Variants in CPE observed in about 807,000 individuals in gnomAD.
The protein encoded by CPE is carbocypeptidase E.
A neutral mutation model predicts 53.5 loss-of-function variants in CPE; 17 were observed. The ratio of observed to expected loss-of-function variants is 0.32; its 90% CI spans 0.22 to 0.48. CPE has a LOEUF of 0.48. Among genes scored for constraint, CPE ranks in the 20% least tolerant of loss-of-function variants. The pLI is 0.99. For synonymous variants in CPE, 226 were observed against 228.8 expected (o/e 0.99, Z 0.11); for missense variants, 524 against 614.7 (o/e 0.85, Z 1.56).
intron 1 of CPE, among the ~76,000 whole-genome samples, chr4:165,441,336 GC>G (rs1318669175): frequency 6.6e-6 from 1 of 152,092 alleles, no homozygotes; most frequent in African/African-American, 2.4e-5. Context: ...TCCTTAACAG[GC>G]CAGATTAATA....
intron 5 of CPE, 112 bp from the exon 6 acceptor site, chr4:165,487,326 C>T (rs758193781): frequency 4.2e-6 from 6 of 1,428,596 alleles, no homozygotes; most frequent in Non-Finnish European, 5.7e-6. Context: ...ACAGGCTTCC[C>T]AAATGCCCTG....
intron 1 of CPE, among the ~76,000 whole-genome samples, chr4:165,447,262 A>G (rs552136298): frequency 5.6e-4 from 85 of 152,298 alleles, no homozygotes; most frequent in African/African-American, 1.9e-3. Context: ...CTTTGGTTAC[A>G]CAAAATTTAT....
intron 1 of CPE, among the ~76,000 whole-genome samples, chr4:165,407,356 T>C (rs1730969038): frequency 6.6e-6 from 1 of 152,202 alleles, no homozygotes; most frequent in Admixed American, 6.5e-5. Context: ...TAAGCATCTT[T>C]TCATGTGCTT....
intron 1 of CPE, among the ~76,000 whole-genome samples, chr4:165,393,356 G>C (rs1301671217): frequency 1.3e-5 from 2 of 152,068 alleles, no homozygotes; most frequent in African/African-American, 4.8e-5. Context: ...GAAATATTTA[G>C]TATTTAACTA....
intron 3 of CPE, among the ~76,000 whole-genome samples, chr4:165,476,701 G>A (rs1241178591): frequency 6.6e-6 from 1 of 152,116 alleles, no homozygotes; most frequent in Non-Finnish European, 1.5e-5. Context: ...GTTGGGAGAA[G>A]GCCCTCTCCT....
At chr4:165,442,550 T>A (rs1389502977) in intron 1 of CPE, among the ~76,000 whole-genome samples, 5 of 152,158 alleles carry the variant, frequency 3.3e-5, no homozygotes, top group Non-Finnish European at 1.5e-5. Context: ...ACATCAGAGG[T>A]TGATCTGTGC....
chr4:165,458,112 G>T (rs916169956), intron 1 of CPE, among the ~76,000 whole-genome samples: 4 of 152,212 alleles, frequency 2.6e-5, no homozygotes, highest in African/African-American at 9.6e-5. Context: ...TTAACCCCAG[G>T]TTTATCACTG....
chr4:165,484,372 T>C (rs1732466671), intron 4 of CPE, 50 bp from the exon 5 acceptor site: 3 of 1,537,358 alleles, frequency 2.0e-6, no homozygotes, highest in African/African-American at 2.7e-5. Context: ...AAACATGCTG[T>C]GCTGCTTGGT....
At chr4:165,476,319 CT>C (rs1732299207) in intron 3 of CPE, among the ~76,000 whole-genome samples, 1 of 152,150 alleles carries the variant, frequency 6.6e-6, no homozygotes, top group Non-Finnish European at 1.5e-5. Context: ...CCCTTTTCCC[CT>C]GATTCTTCCC....
Position 165,381,563 on chromosome 4 carries a change from ACT to A in CPE, c.307+2038_307+2039del, listed in dbSNP as rs1459744117. On this transcript the variant is annotated intron_variant, in intron 1 of 8. Transcript: ENST00000402744. ...TACAATTCCTTTTTAAATGAAGGAGACTCTAAGTCTATGGTATTACTAATAGA... is the reference window on the plus strand; with the variant it reads ...TACAATTCCTTTTTAAATGAAGGAGACTAAGTCTATGGTATTACTAATAGA... 4 of 263,814 alleles carry A rather than the reference ACT, an allele frequency of 1.5e-5. No individual in the cohort carries two copies. The East Asian group carries it at 4.3e-4, about 28-fold the overall frequency. 16.3% of individuals were successfully genotyped at this position (263,814 alleles called of 1,614,324 possible).
intron 1 of CPE, among the ~76,000 whole-genome samples, chr4:165,422,976 C>CAA (rs58058891): frequency 0.016 from 1,256 of 76,920 alleles, 42 homozygotes; most frequent in Middle Eastern, 0.03. Flanking sequence ...AACTCTGTCT[C>CAA]AAAAAAAAAA....
At chr4:165,430,453 C>A (rs931819437) in intron 1 of CPE, among the ~76,000 whole-genome samples, 7 of 152,100 alleles carry the variant, frequency 4.6e-5, no homozygotes, top group Non-Finnish European at 1.5e-5. Flanking sequence ...TCCCATTTCA[C>A]TGACATTTTA....
At chr4:165,407,628 A>G (rs1579247533) in intron 1 of CPE, among the ~76,000 whole-genome samples, 1 of 151,424 alleles carries the variant, frequency 6.6e-6, no homozygotes, top group Non-Finnish European at 1.5e-5. Context: ...GCTCACTGCA[A>G]CCTCCACCTC....
intron 1 of CPE, among the ~76,000 whole-genome samples, chr4:165,386,711 T>G (rs770752401): frequency 1.3e-5 from 2 of 152,328 alleles, no homozygotes; most frequent in Middle Eastern, 3.4e-3. Context: ...TTCAGACATC[T>G]TAGAAAGTTA....
At chr4:165,429,588 G>C (rs886293115) in intron 1 of CPE, among the ~76,000 whole-genome samples, 6 of 151,996 alleles carry the variant, frequency 3.9e-5, no homozygotes, top group African/African-American at 1.5e-4. Flanking sequence ...TGTAGTCCCA[G>C]CGACTCCAGA....
intron 7 of CPE, 49 bp downstream of exon 7, chr4:165,493,319 AT>A (rs1445232803): frequency 8.2e-7 from 1 of 1,219,464 alleles, no homozygotes; most frequent in Non-Finnish European, 1.2e-6. Flanking sequence ...CAAGAGCATA[AT>A]TACTAATTAT....
chr4:165,456,994 CTCCCA>C (rs1420404600), intron 1 of CPE, among the ~76,000 whole-genome samples: 1 of 152,136 alleles, frequency 6.6e-6, no homozygotes, highest in African/African-American at 2.4e-5. Context: ...CCGCCACTGC[CTCCCA>C]AAGTGCTGGG....
chr4:165,451,942 C>CA, intron 1 of CPE, among the ~76,000 whole-genome samples: 1 of 145,344 alleles, frequency 6.9e-6, no homozygotes, highest in Non-Finnish European at 1.5e-5. Context: ...TTTTTTTTTT[C>CA]GTTTTTTTTA....
At chr4:165,441,819 T>C (rs1456053970) in intron 1 of CPE, among the ~76,000 whole-genome samples, 1 of 152,208 alleles carries the variant, frequency 6.6e-6, no homozygotes, top group Non-Finnish European at 1.5e-5. Flanking sequence ...AATGCAGATA[T>C]AGTCAAAATG....
Sources: gnomAD v4.1 joint callset for allele counts (sites outside exome capture counted in the v4.1 genomes callset) on GRCh38, gnomAD v4.1.1 for gene constraint, MANE v1.5 for transcripts, NCBI Gene and HGNC (gene_info 2026-07-23, HGNC 2026-07-21) for gene names.